Variants in ANXA3 observed in about 807,000 individuals in gnomAD.
The protein encoded by ANXA3 is 35-alpha calcimedin.
A neutral mutation model predicts 48.8 loss-of-function variants in ANXA3; 46 were observed. The observed-to-expected ratio is 0.94, with a 90% CI of 0.74 to 1.21. The LOEUF is 1.21. Among genes scored for constraint, ANXA3 ranks in the 50% most tolerant of loss-of-function variants. ANXA3 has a pLI of 0.00. For missense variants in ANXA3, 383 were observed against 378.6 expected (o/e 1.01, Z -0.10); for synonymous variants, 128 against 134.7 (o/e 0.95, Z 0.35).
intron 2 of ANXA3, among the ~76,000 whole-genome samples, chr4:78,567,306 A>T (rs59596441): frequency 0.11 from 17,346 of 152,200 alleles, 1,347 homozygotes; most frequent in East Asian, 0.33. Context: ...GTCTAAAATC[A>T]AGGTGTGGTC....
At chr4:78,571,018 CTTTT>C (rs1553899679) in intron 2 of ANXA3, 1 of 150,958 alleles carries the variant, frequency 6.6e-6, no homozygotes, top group African/African-American at 2.4e-5. Context: ...TTCTTTCTTT[CTTTT>C]TTTTTGTGAG....
intron 1 of ANXA3, chr4:78,553,780 G>C (rs548409873): frequency 6.6e-6 from 1 of 152,236 alleles, no homozygotes; most frequent in African/African-American, 2.4e-5. Flanking sequence ...CCCAGGAAGG[G>C]TGGGAGCAAC....
At chr4:78,578,298 C>CGAGAGAGAGAGA (rs1220106430) in intron 3 of ANXA3, among the ~76,000 whole-genome samples, 6,180 of 45,972 alleles carry the variant, frequency 0.13, 653 homozygotes, top group Non-Finnish European at 0.18. Context: ...AGAGAGAGAG[C>CGAGAGAGAGAGA]GAGAGAGAGA....
chr4:78,593,234 ACT>A (rs1216358957), intron 7 of ANXA3, among the ~76,000 whole-genome samples: 1 of 150,272 alleles, frequency 6.7e-6, no homozygotes, highest in Non-Finnish European at 1.5e-5. Context: ...ACAGAGTCTC[ACT>A]CTGTCATCCA....
At chr4:78,591,845 T>C (rs1354345079) in intron 7 of ANXA3, among the ~76,000 whole-genome samples, 1 of 152,126 alleles carries the variant, frequency 6.6e-6, no homozygotes, top group Non-Finnish European at 1.5e-5. Context: ...CTTATTTGAG[T>C]CAGTAAGTGG....
At chr4:78,556,794 G>T (rs904604292) in intron 2 of ANXA3, among the ~76,000 whole-genome samples, 1 of 151,894 alleles carries the variant, frequency 6.6e-6, no homozygotes, top group Non-Finnish European at 1.5e-5. Flanking sequence ...TCTGGCCCTC[G>T]CCCATGAGTA....
At chr4:78,597,891 G>A (rs995866321) in intron 10 of ANXA3, among the ~76,000 whole-genome samples, 2 of 152,158 alleles carry the variant, frequency 1.3e-5, no homozygotes, top group African/African-American at 2.4e-5. Context: ...TGGGATTACA[G>A]GTGTGAGCTA....
At chr4:78,578,028 C>T (rs751133662) in intron 3 of ANXA3, among the ~76,000 whole-genome samples, 27 of 151,744 alleles carry the variant, frequency 1.8e-4, no homozygotes, top group Non-Finnish European at 3.4e-4. Context: ...CCTGAAATCC[C>T]GGCACTTTGG....
chr4:78,591,479 TTC>T lies in ANXA3; in HGVS notation c.404-61_404-60del, dbSNP rs1274469241. The T allele has an allele frequency of 7.9e-6, 9 of 1,133,228 alleles. No individual in the cohort carries two copies. The Admixed American group carries it at 1.2e-4, about 15-fold the overall frequency. 70.2% of individuals were successfully genotyped at this position (1,133,228 alleles called of 1,614,324 possible). A position where few individuals can be genotyped will look rare whatever the true frequency, so the allele number is the denominator to read the frequency against. ...TTTGCTAGTGTTGGCATTTAAACTT[TTC>T]TCTGTTTTATAATCATATTTTTCAG... is the stretch of plus-strand genomic sequence containing the variant. On this transcript the variant is annotated intron_variant, in intron 6 of 12. Transcript: ENST00000264908.
At chr4:78,563,363 G>A (rs1722662299) in intron 2 of ANXA3, among the ~76,000 whole-genome samples, 1 of 152,166 alleles carries the variant, frequency 6.6e-6, no homozygotes, top group Admixed American at 6.5e-5. Context: ...AGCCAGTGCT[G>A]TGGTCTAAAT....
chr4:78,600,863 T>G (rs933642619), intron 10 of ANXA3, among the ~76,000 whole-genome samples: 1 of 152,222 alleles, frequency 6.6e-6, no homozygotes, highest in Non-Finnish European at 1.5e-5. Context: ...ACTCTTGCGT[T>G]TTTGTCAGTT....
At position 78,597,362 on chromosome 4, in the gene ANXA3, C is replaced by T. The variant is rs1462804581; in HGVS notation, c.678C>T (p.Asp226=). 2.5e-6 allele frequency: 4 copies of T among 1,610,782 alleles called. No homozygotes were observed. In the East Asian group the frequency reaches 8.9e-5, roughly 36 times the overall value. ...ATATCAGCCAAAAGGACATTGTGGA[C>T]AGCATAAAAGGAGAATTATCTGGGC... ...YRNISQKDIV[D]SIKGELSGHF... Residue 226 remains aspartate (D), a synonymous_variant, in exon 10 of 13, where the codon GAC becomes GAT. Coordinates refer to ENST00000264908, the MANE Select transcript of ANXA3 (RefSeq NM_005139.3).
intron 4 of ANXA3, among the ~76,000 whole-genome samples, chr4:78,580,352 A>C (rs375622244): frequency 6.6e-6 from 1 of 152,202 alleles, no homozygotes. Context: ...GAAACTGGGA[A>C]TATGTGAGAA....
chr4:78,606,270 G>C (rs1248828098), intron 12 of ANXA3, among the ~76,000 whole-genome samples: 2 of 152,236 alleles, frequency 1.3e-5, no homozygotes, highest in Non-Finnish European at 2.9e-5. Flanking sequence ...GAGACTTGGG[G>C]CCTAGAAGGT....
At chr4:78,605,245 C>T (rs1010393244) in intron 12 of ANXA3, among the ~76,000 whole-genome samples, 17 of 152,064 alleles carry the variant, frequency 1.1e-4, no homozygotes, top group African/African-American at 3.9e-4. Flanking sequence ...TCGAGCAGTC[C>T]TCTTGCCTTA....
chr4:78,600,159 G>C (rs1297555383), intron 10 of ANXA3, among the ~76,000 whole-genome samples: 1 of 152,082 alleles, frequency 6.6e-6, no homozygotes, highest in Admixed American at 6.5e-5. Context: ...GAGGAGAGAG[G>C]CCTGATGGAA....
chr4:78,585,550 A>G (rs943861035), intron 5 of ANXA3, among the ~76,000 whole-genome samples: 3 of 152,260 alleles, frequency 2.0e-5, no homozygotes, highest in African/African-American at 7.2e-5. Flanking sequence ...TGAGAAACAT[A>G]GCCTTTATAT....
At chr4:78,585,166 G>A (rs1008062976) in intron 5 of ANXA3, among the ~76,000 whole-genome samples, 1 of 152,222 alleles carries the variant, frequency 6.6e-6, no homozygotes, top group Non-Finnish European at 1.5e-5. Context: ...TCTGAGCATT[G>A]TTTCTCTATG....
intron 2 of ANXA3, among the ~76,000 whole-genome samples, chr4:78,562,227 G>GGA (rs1553899114): frequency 6.6e-6 from 1 of 151,944 alleles, no homozygotes; most frequent in Non-Finnish European, 1.5e-5. Context: ...AAAGCAGTTA[G>GGA]AAAAAAAGAA....
Sources: gnomAD v4.1 joint callset for allele counts (sites outside exome capture counted in the v4.1 genomes callset) on GRCh38, gnomAD v4.1.1 for gene constraint, MANE v1.5 for transcripts, NCBI Gene and HGNC (gene_info 2026-07-23, HGNC 2026-07-21) for gene names.